The following JPH2 variants were observed in gnomAD, a reference collection of about 807,000 sequenced individuals.
The protein encoded by JPH2 is junctophilin-2.
In JPH2, 38 loss-of-function variants were observed where a neutral mutation model predicts 55.9. That is an observed-to-expected ratio of 0.68 (90% CI 0.52 to 0.89). The LOEUF (loss-of-function observed/expected upper bound fraction) is 0.89. Ranked by LOEUF, JPH2 falls within the 40% of genes least tolerant of loss-of-function variation. JPH2 has a pLI of 0.00. For synonymous variants in JPH2, 480 were observed against 472.4 expected (o/e 1.02, Z -0.21); for missense variants, 964 against 1,037.6 (o/e 0.93, Z 0.97).
intron 4 of JPH2, 39 bp downstream of exon 4, chr20:44,115,626 G>A: frequency 6.2e-7 from 1 of 1,611,608 alleles, no homozygotes; most frequent in Non-Finnish European, 8.5e-7. Context: ...CTACCTCTAG[G>A]GAACCCGACC....
chr20:44,123,860 C>T (rs2072257329), intron 2 of JPH2, among the ~76,000 whole-genome samples: 2 of 152,180 alleles, frequency 1.3e-5, no homozygotes, highest in Admixed American at 1.3e-4. Context: ...TGAAGTTGTT[C>T]CCAGACTGCT....
intron 2 of JPH2, among the ~76,000 whole-genome samples, chr20:44,130,658 C>T (rs546631850): frequency 3.3e-5 from 5 of 152,284 alleles, no homozygotes; most frequent in East Asian, 1.9e-4. Flanking sequence ...CAAAACCACA[C>T]GGGGAAACTT....
Position 44,186,741 on chromosome 20 carries a change from G to T in JPH2, c.-36C>A, listed in dbSNP as rs1183187278. 2.5e-6 allele frequency: 4 copies of T among 1,593,254 alleles called. No individual in the cohort carries two copies. The highest frequency in any genetic ancestry group is 3.4e-6 in the Non-Finnish European group (4 of 1,176,634). On this transcript the variant is annotated 5_prime_UTR_variant, in exon 1 of 6. The change creates a new upstream start codon in the 5' untranslated region. Coordinates refer to ENST00000372980, the MANE Select transcript of JPH2 (RefSeq NM_020433.5). ...CCCCTGACAACCTCCCCGTCCTCCA[G>T]CGTGGGTGCAGAGGGCGTGGGTGAT...
At chr20:44,127,443 G>A (rs1320172658) in intron 2 of JPH2, among the ~76,000 whole-genome samples, 1 of 150,918 alleles carries the variant, frequency 6.6e-6, no homozygotes, top group Non-Finnish European at 1.5e-5. Context: ...ATACACGAGA[G>A]TTCCAGTTTC....
intron 2 of JPH2, among the ~76,000 whole-genome samples, chr20:44,136,341 A>G (rs6130542): frequency 0.31 from 47,052 of 151,944 alleles, 7,410 homozygotes; most frequent in East Asian, 0.45. Context: ...GTGCTCCTGC[A>G]GGGGGACGAA....
chr20:44,121,783 TCAAGACCAGCCTAAGCAACATAC>T (rs1485537883), intron 2 of JPH2, among the ~76,000 whole-genome samples: 1 of 151,498 alleles, frequency 6.6e-6, no homozygotes, highest in African/African-American at 2.4e-5. Context: ...GCTCAGGAGT[TCAAGACCAGCCTAAGCAACATAC>T]CAAGACCTTG....
At chr20:44,170,577 C>T (rs987754177) in intron 1 of JPH2, among the ~76,000 whole-genome samples, 46 of 152,156 alleles carry the variant, frequency 3.0e-4, no homozygotes, top group African/African-American at 1.1e-3. Context: ...CTGTGGTCAG[C>T]ACACATGCCC....
intron 1 of JPH2, among the ~76,000 whole-genome samples, chr20:44,165,105 G>C (rs1317481304): frequency 6.6e-6 from 1 of 152,044 alleles, no homozygotes. Context: ...CCAAAGTGTT[G>C]GGATTGCAGG....
rs540898354 is a variant in JPH2 at position 44,183,449 on chromosome 20, A to G, written c.379+2878T>C. Among the ~76,000 whole-genome samples, 56 of 152,316 alleles carry G rather than the reference A, an allele frequency of 3.7e-4. No homozygotes were observed. The East Asian group carries it at 0.01, about 28-fold the overall frequency. ...AACTCCAGCGACCTCGTTAACTTCC[A>G]AACACGGTCTCGAGGGCAGGCCCTC... On this transcript the variant is annotated intron_variant, in intron 1 of 5. Coordinates refer to ENST00000372980, the MANE Select transcript of JPH2 (RefSeq NM_020433.5).
rs1407169527 is a variant in JPH2, at chr20:44,108,270, A to C, written c.*5248T>G. ...TTGGAACCCTCCCAGATTCCTTCCT[A>C]TGTCCCTTTCCCTTGGCTGGTTCTG... On this transcript the variant is annotated 3_prime_UTR_variant, in exon 6 of 6. Coordinates refer to ENST00000372980, the MANE Select transcript of JPH2 (RefSeq NM_020433.5). 6.6e-6 allele frequency among the ~76,000 whole-genome samples: 1 copy of C among 152,120 alleles called. No homozygotes were observed. The highest frequency in any genetic ancestry group is 1.5e-5 in the Non-Finnish European group (1 of 68,020).
chr20:44,148,763 A>G (rs1185634862), intron 2 of JPH2, among the ~76,000 whole-genome samples: 1 of 152,004 alleles, frequency 6.6e-6, no homozygotes, highest in Non-Finnish European at 1.5e-5. Context: ...CCTTCCTCCA[A>G]TTAAAAAAAT....
At chr20:44,117,381 G>A (rs1008606510) in intron 3 of JPH2, among the ~76,000 whole-genome samples, 2 of 152,216 alleles carry the variant, frequency 1.3e-5, no homozygotes, top group African/African-American at 2.4e-5. Context: ...CCAAGGCCGG[G>A]AGGTCCTCCT....
chr20:44,141,306 G>A (rs981686644), intron 2 of JPH2, among the ~76,000 whole-genome samples: 2 of 152,144 alleles, frequency 1.3e-5, no homozygotes, highest in Non-Finnish European at 2.9e-5. Flanking sequence ...TTGGACCTCC[G>A]CTGCCTGGAA....
At chr20:44,133,283 C>G (rs575735085) in intron 2 of JPH2, among the ~76,000 whole-genome samples, 1 of 150,566 alleles carries the variant, frequency 6.6e-6, no homozygotes. Context: ...CACACTAATA[C>G]GATCCTTCTG....
In JPH2 at chr20:44,116,092, T is replaced by C; in HGVS notation, c.1583A>G (p.Glu528Gly). The C allele has an allele frequency of 6.6e-7, 1 of 1,504,286 alleles. No individual in the cohort carries two copies. The highest frequency in any genetic ancestry group is 8.8e-7 in the Non-Finnish European group (1 of 1,138,270). 93.2% of individuals were successfully genotyped at this position (1,504,286 alleles called of 1,614,324 possible). The change falls in exon 4 of 6, where the codon GAG becomes GGG. Residue 528 changes from glutamate to glycine, a missense_variant. Transcript: ENST00000372980. ...GEGSRSVTPS[E>G]GAGRRSPARP... ...CGCGGGGCTGCGGCGGCCCGCGCCCTCGGACGGAGTGACTGACCGGCTGCC... is the reference window on the plus strand; with the variant it reads ...CGCGGGGCTGCGGCGGCCCGCGCCCCCGGACGGAGTGACTGACCGGCTGCC...
chr20:44,132,399 C>CACACACACACACAGAG (rs71195518), intron 2 of JPH2, among the ~76,000 whole-genome samples: 2 of 130,448 alleles, frequency 1.5e-5, no homozygotes, highest in East Asian at 4.9e-4. Flanking sequence ...CACACACACA[C>CACACACACACACAGAG]ACATTTGGGC....
chr20:44,129,672 T>C (rs1036743838), intron 2 of JPH2, among the ~76,000 whole-genome samples: 11 of 151,946 alleles, frequency 7.2e-5, no homozygotes, highest in African/African-American at 2.7e-4. Flanking sequence ...TTGGTCCTAG[T>C]GTCTGGAACC....
intron 1 of JPH2, among the ~76,000 whole-genome samples, chr20:44,170,385 T>C (rs1343157516): frequency 6.6e-6 from 1 of 152,332 alleles, no homozygotes; most frequent in East Asian, 1.9e-4. Flanking sequence ...CTCCAAGTCC[T>C]CTCACATAGT....
chr20:44,124,234 C>G (rs1216107565), intron 2 of JPH2, among the ~76,000 whole-genome samples: 2 of 152,070 alleles, frequency 1.3e-5, no homozygotes, highest in Non-Finnish European at 2.9e-5. Flanking sequence ...CTCCCAGGCC[C>G]ATAACTGCTT....
Sources: gnomAD v4.1 joint callset for allele counts (sites outside exome capture counted in the v4.1 genomes callset) on GRCh38, gnomAD v4.1.1 for gene constraint, MANE v1.5 for transcripts, NCBI Gene and HGNC (gene_info 2026-07-23, HGNC 2026-07-21) for gene names.